Variants in CEP43 observed in about 807,000 individuals in gnomAD.
The protein encoded by CEP43 is centrosomal protein 43, also known as FGFR1 oncogene partner.
In CEP43, 36 loss-of-function variants were observed where a neutral mutation model predicts 52.6. The observed-to-expected ratio is 0.68, with a 90% confidence interval of 0.52 to 0.90. The LOEUF is 0.90. Ranked by LOEUF, CEP43 falls within the 40% of genes least tolerant of loss-of-function variation. The pLI is 0.00. For synonymous variants in CEP43, 192 were observed against 172.4 expected (o/e 1.11, Z -0.89); for missense variants, 506 against 472.8 (o/e 1.07, Z -0.65).
rs187190972 is a variant in CEP43 at position 167,038,125 on chromosome 6, T to C, written c.1126-1779T>C. Among the ~76,000 whole-genome samples the C allele has an allele frequency of 2.8e-3, 420 of 152,380 alleles. 3 individuals are homozygous for C. The highest frequency in any genetic ancestry group is 9.7e-3 in the African/African-American group (404 of 41,598). ...CATTATGCTTACATATCTATTAATATTTCCTTTCTCCATTATCATGAGTTG... is the reference window on the plus strand; with the variant it reads ...CATTATGCTTACATATCTATTAATACTTCCTTTCTCCATTATCATGAGTTG... On this transcript the variant is annotated intron_variant, in intron 12 of 12. Coordinates refer to ENST00000366847, the MANE Select transcript of CEP43 (RefSeq NM_007045.4).
At position 167,039,912 on chromosome 6, in the gene CEP43, C is replaced by A. The variant is rs1780658385; in HGVS notation, c.1134C>A (p.Asp378Glu). 3 of 1,613,254 alleles carry A rather than the reference C, an allele frequency of 1.9e-6. No individual in the cohort carries two copies. In the South Asian group the frequency reaches 3.3e-5, roughly 18 times the overall value. The change falls in exon 13 of 13, where the codon GAC (aspartate) becomes GAA (glutamate). Residue 378 changes from aspartate (D) to glutamate (E), a missense_variant. Physicochemically the swap from Asp to Glu is conservative, Grantham distance 45. Coordinates refer to ENST00000366847, the MANE Select transcript of CEP43 (RefSeq NM_007045.4). ...TCTTTTGAACAACAAAGCTTGATGACCTCACACAAGATCTGACTGTATCCC... is the reference window on the plus strand; with the variant it reads ...TCTTTTGAACAACAAAGCTTGATGAACTCACACAAGATCTGACTGTATCCC... Reference protein sequence around the residue: ...DDINTSDKLDDLTQDLTVSQL... With the variant: ...DDINTSDKLDELTQDLTVSQL...
At chr6:167,022,773 C>A in intron 8 of CEP43, 138 bp downstream of exon 8, 1 of 649,282 alleles carries the variant, frequency 1.5e-6, no homozygotes, top group Non-Finnish European at 2.6e-6. Flanking sequence ...GTTGTTAATG[C>A]CTTTCATGTT....
At chr6:167,035,571 GT>G (rs562051538) in intron 12 of CEP43, among the ~76,000 whole-genome samples, 157 of 138,242 alleles carry the variant, frequency 1.1e-3, no homozygotes, top group Non-Finnish European at 1.2e-3. Context: ...ACTTTTTTTT[GT>G]TTTTTTTTTT....
intron 8 of CEP43, among the ~76,000 whole-genome samples, chr6:167,023,664 A>G (rs1003841367): frequency 1.3e-5 from 2 of 152,220 alleles, no homozygotes; most frequent in Non-Finnish European, 2.9e-5. Context: ...AGGATCACCA[A>G]GGAAGCAGGT....
At chr6:167,017,325 T>C (rs1780125195) in intron 7 of CEP43, among the ~76,000 whole-genome samples, 1 of 152,180 alleles carries the variant, frequency 6.6e-6, no homozygotes, top group African/African-American at 2.4e-5. Context: ...AATAATGGTA[T>C]ACAACTGTCT....
At chr6:167,034,022 G>C in intron 12 of CEP43, 51 bp downstream of exon 12, 1 of 806,046 alleles carries the variant, frequency 1.2e-6, no homozygotes, top group Non-Finnish European at 2.0e-6. Flanking sequence ...TAACCTATTT[G>C]TCGATTTACT....
Position 167,040,072 on chromosome 6 carries a change from C to T in CEP43, c.*94C>T. 1 of 1,610,296 alleles carries T rather than the reference C, an allele frequency of 6.2e-7. No homozygotes were observed. Among genetic ancestry groups the T allele is most frequent in the Non-Finnish European group, 8.5e-7 (1 of 1,177,722 alleles). On this transcript the variant is annotated 3_prime_UTR_variant, in exon 13 of 13. Coordinates refer to ENST00000366847, the MANE Select transcript of CEP43 (RefSeq NM_007045.4). ...GACAATCACTCAGCTGGAATGTCTG[C>T]TCTCTATTGGTGCCTTGCATTTCAA...
chr6:167,043,375 CTTTTT>C lies in CEP43; in HGVS notation c.*3415_*3419del, dbSNP rs71032898. On this transcript the variant is annotated 3_prime_UTR_variant, in exon 13 of 13. Coordinates refer to ENST00000366847, the MANE Select transcript of CEP43 (RefSeq NM_007045.4). ...TCCGTGCTCCCAGTGTCCCTGTCCTCTTTTTTTTTTTTTTTTTTTTTTGAGGTGGA... is the reference window on the plus strand; with the variant it reads ...TCCGTGCTCCCAGTGTCCCTGTCCTCTTTTTTTTTTTTTTTTTGAGGTGGA... The C allele has an allele frequency of 5.8e-5, 5 of 86,358 alleles. No individual in the cohort carries two copies. Among genetic ancestry groups the C allele is most frequent in the Non-Finnish European group, 8.5e-5 (4 of 46,810 alleles). The allele number at this position is 86,358 out of a possible 1,614,324, so 5.3% of individuals were successfully genotyped here.
Position 167,040,086 on chromosome 6 carries a change from C to T in CEP43, c.*108C>T, listed in dbSNP as rs1780663847. ...TGGAATGTCTGCTCTCTATTGGTGC[C>T]TTGCATTTCAAAAACACTGCAGATA... On this transcript the variant is annotated 3_prime_UTR_variant, in exon 13 of 13. Transcript: ENST00000366847. The T allele has an allele frequency of 3.7e-6, 6 of 1,609,118 alleles. No individual in the cohort carries two copies. The highest frequency in any genetic ancestry group is 1.7e-5 in the Admixed American group (1 of 59,072).
At chr6:167,021,156 A>G (rs925180457) in intron 7 of CEP43, among the ~76,000 whole-genome samples, 8 of 152,012 alleles carry the variant, frequency 5.3e-5, no homozygotes, top group Admixed American at 2.6e-4. Flanking sequence ...TGCTTTTTCT[A>G]TTATTCCACG....
intron 7 of CEP43, among the ~76,000 whole-genome samples, chr6:167,021,600 T>G (rs896750482): frequency 6.6e-6 from 1 of 152,180 alleles, no homozygotes; most frequent in Admixed American, 6.5e-5. Flanking sequence ...GCTGTGAAGG[T>G]TAGGACTCCC....
rs1277949772 is a variant in CEP43 at position 167,042,613 on chromosome 6, C to T, written c.*2635C>T. On this transcript the variant is annotated 3_prime_UTR_variant, in exon 13 of 13. Transcript: ENST00000366847. ...GAGCTTGCCAAAGCCCTTCCTGTCT[C>T]AAGGTGTGATATTTGCCCCTCCTTG... 2.6e-5 allele frequency: 4 copies of T among 153,160 alleles called. No homozygotes were observed. Among genetic ancestry groups the T allele is most frequent in the Non-Finnish European group, 5.8e-5 (4 of 68,800 alleles). 9.5% of individuals were successfully genotyped at this position (153,160 alleles called of 1,614,324 possible).
At position 167,048,235 on chromosome 6, in the gene CEP43, A is replaced by C. The variant is rs1181372991; in HGVS notation, c.*8257A>C. 3 of 152,224 alleles carry C rather than the reference A, an allele frequency of 2.0e-5. No individual in the cohort carries two copies. The East Asian group carries it at 5.8e-4, about 29-fold the overall frequency. 9.4% of individuals were successfully genotyped at this position (152,224 alleles called of 1,614,324 possible). A position where few individuals can be genotyped will look rare whatever the true frequency, so the allele number is the denominator to read the frequency against. Reference sequence around the variant, plus strand: ...TAGTAAGACCCCTATCTCTACAAAAAATATAAAAATTAGCTAGGCATCATG... The same window carrying C: ...TAGTAAGACCCCTATCTCTACAAAACATATAAAAATTAGCTAGGCATCATG... On this transcript the variant is annotated 3_prime_UTR_variant, in exon 13 of 13. Transcript: ENST00000366847.
At chr6:167,038,479 G>A (rs1316365129) in intron 12 of CEP43, among the ~76,000 whole-genome samples, 1 of 152,202 alleles carries the variant, frequency 6.6e-6, no homozygotes, top group African/African-American at 2.4e-5. Context: ...GGTAAATTAT[G>A]GTTTTAGAGT....
chr6:167,009,499 CAAAAAAAAA>C (rs139374939), intron 5 of CEP43, among the ~76,000 whole-genome samples: 20 of 44,132 alleles, frequency 4.5e-4, no homozygotes, highest in African/African-American at 2.0e-3. Flanking sequence ...GACTCTGTCT[CAAAAAAAAA>C]AAAAAAAAAA....
rs761003904 is a variant in CEP43, at chr6:167,004,338, A to G, written c.375A>G (p.Gly125=). 14 of 1,612,356 alleles carry G rather than the reference A, an allele frequency of 8.7e-6. No individual in the cohort carries two copies. The highest frequency in any genetic ancestry group is 2.2e-5 in the East Asian group (1 of 44,826). Residue 125 remains glycine (G), a synonymous_variant, in exon 5 of 13, where the codon GGA becomes GGG. Coordinates refer to ENST00000366847, the MANE Select transcript of CEP43 (RefSeq NM_007045.4). ...GIIEAEGTVG[G]PLLLEVIRRC... is the part of the protein sequence containing the mutation. ...TTGAAGCAGAAGGTACTGTGGGTGG[A>G]CCCTTATTATTAGAAGTGATCAGGC...
In CEP43 at chr6:167,040,031, AT is replaced by A. The variant is rs368396376; in HGVS notation, c.*65del. 2,616 of 1,410,022 alleles carry A rather than the reference AT, an allele frequency of 1.9e-3. 3 individuals are homozygous for A. The highest frequency in any genetic ancestry group is 0.014 in the South Asian group (1,115 of 79,556). The allele number at this position is 1,410,022 out of a possible 1,614,324, so 87.3% of individuals were successfully genotyped here. On this transcript the variant is annotated 3_prime_UTR_variant, in exon 13 of 13. Coordinates refer to ENST00000366847, the MANE Select transcript of CEP43 (RefSeq NM_007045.4). ...CAAGGACAGAGGACTGACCGGTTCCATTTTTTTTTTTTCCAGACAATCACTC... is the reference window on the plus strand; with the variant it reads ...CAAGGACAGAGGACTGACCGGTTCCATTTTTTTTTTTCCAGACAATCACTC...
chr6:167,000,226 A>C, intron 2 of CEP43, 113 bp downstream of exon 2: 1 of 815,636 alleles, frequency 1.2e-6, no homozygotes. Context: ...GATAATTTTG[A>C]ACTGTTAAGG....
intron 12 of CEP43, among the ~76,000 whole-genome samples, chr6:167,037,173 A>G (rs1454537347): frequency 1.3e-5 from 2 of 152,182 alleles, no homozygotes; most frequent in African/African-American, 4.8e-5. Context: ...TTTCTTGGTA[A>G]CTACTTTAAA....
Sources: allele counts gnomAD v4.1 joint callset (sites outside exome capture counted in the v4.1 genomes callset), GRCh38; gene constraint gnomAD v4.1.1; transcripts MANE v1.5; gene names NCBI Gene and HGNC (gene_info 2026-07-23, HGNC 2026-07-21).